Variants in MTUS2 observed in about 807,000 individuals in gnomAD.
The protein encoded by MTUS2 is microtubule associated scaffold protein 2.
A neutral mutation model predicts 114.1 loss-of-function variants in MTUS2; 40 were observed. The ratio of observed to expected loss-of-function variants is 0.35; its 90% CI spans 0.27 to 0.46. The LOEUF (loss-of-function observed/expected upper bound fraction) is 0.46, where lower values mean the gene tolerates loss of function less well. Ranked by LOEUF, MTUS2 falls within the 20% of genes least tolerant of loss-of-function variation. MTUS2 has a pLI of 1.00. For missense variants in MTUS2, 1,679 were observed against 1,705.4 expected (o/e 0.98, Z 0.27); for synonymous variants, 688 against 672.0 (o/e 1.02, Z -0.37).
At chr13:29,000,197 C>T (rs1885320765) in intron 2 of MTUS2, among the ~76,000 whole-genome samples, 1 of 152,212 alleles carries the variant, frequency 6.6e-6, no homozygotes, top group African/African-American at 2.4e-5. Flanking sequence ...AATCTCCATA[C>T]TGGTTTCCAT....
At chr13:28,866,644 C>T (rs574968815) in intron 2 of MTUS2, among the ~76,000 whole-genome samples, 1 of 151,970 alleles carries the variant, frequency 6.6e-6, no homozygotes, top group African/African-American at 2.4e-5. Flanking sequence ...CTTAAAGATG[C>T]CTTTGTATAA....
chr13:29,179,220 C>T (rs1271396929), intron 5 of MTUS2, among the ~76,000 whole-genome samples: 2 of 152,068 alleles, frequency 1.3e-5, no homozygotes, highest in Admixed American at 1.3e-4. Context: ...AGGTTAACAC[C>T]CAAGAGGTTA....
chr13:28,957,326 G>T (rs1327218788), intron 2 of MTUS2, among the ~76,000 whole-genome samples: 1 of 152,122 alleles, frequency 6.6e-6, no homozygotes, highest in Non-Finnish European at 1.5e-5. Flanking sequence ...TTGCACCATG[G>T]TTCTTCTCTC....
At chr13:29,451,965 A>C (rs1479259300) in intron 9 of MTUS2, among the ~76,000 whole-genome samples, 1 of 152,232 alleles carries the variant, frequency 6.6e-6, no homozygotes, top group African/African-American at 2.4e-5. Context: ...ACCACTCAGC[A>C]TGACTAGGTC....
intron 2 of MTUS2, among the ~76,000 whole-genome samples, chr13:28,863,549 T>A (rs1414086547): frequency 6.6e-6 from 1 of 152,210 alleles, no homozygotes; most frequent in Non-Finnish European, 1.5e-5. Flanking sequence ...TGTATGCCTG[T>A]CTTCCTAGGT....
chr13:28,956,355 G>A (rs1883066295), intron 2 of MTUS2, among the ~76,000 whole-genome samples: 1 of 152,036 alleles, frequency 6.6e-6, no homozygotes. Context: ...CCTGCCACAG[G>A]TTGTAGATGG....
At chr13:28,828,412 TA>T (rs1434972778) in intron 1 of MTUS2, among the ~76,000 whole-genome samples, 1 of 152,226 alleles carries the variant, frequency 6.6e-6, no homozygotes, top group African/African-American at 2.4e-5. Context: ...ATGACAGGAT[TA>T]AGCAATTAAA....
intron 2 of MTUS2, among the ~76,000 whole-genome samples, chr13:29,002,392 A>G (rs912703855): frequency 6.6e-6 from 1 of 152,192 alleles, no homozygotes; most frequent in Non-Finnish European, 1.5e-5. Context: ...TGCTTATACC[A>G]CAATTGATAC....
chr13:28,946,420 A>G (rs540675156), intron 2 of MTUS2, among the ~76,000 whole-genome samples: 19 of 152,186 alleles, frequency 1.2e-4, no homozygotes, highest in Non-Finnish European at 2.4e-4. Flanking sequence ...GAGGTAATTC[A>G]CAAATGTAAT....
intron 6 of MTUS2, among the ~76,000 whole-genome samples, chr13:29,321,698 T>A (rs908653579): frequency 6.6e-6 from 1 of 152,218 alleles, no homozygotes; most frequent in Non-Finnish European, 1.5e-5. Flanking sequence ...ATACAAGTAA[T>A]ATGTGATGAT....
intron 5 of MTUS2, among the ~76,000 whole-genome samples, chr13:29,167,506 A>G (rs889169782): frequency 3.9e-5 from 6 of 151,934 alleles, no homozygotes; most frequent in African/African-American, 7.2e-5. Context: ...AATCACTTCA[A>G]TTGTTGAAAA....
chr13:29,251,619 C>CAT (rs767668405), intron 5 of MTUS2, among the ~76,000 whole-genome samples: 5 of 152,154 alleles, frequency 3.3e-5, no homozygotes, highest in Non-Finnish European at 7.4e-5. Flanking sequence ...TCTACTTTCT[C>CAT]ATCTCTATGA....
At chr13:29,079,361 G>A (rs961677636) in intron 4 of MTUS2, among the ~76,000 whole-genome samples, 5 of 151,834 alleles carry the variant, frequency 3.3e-5, no homozygotes, top group Admixed American at 6.6e-5. Flanking sequence ...CCATTCTTAG[G>A]GTTTTTTTCT....
chr13:29,053,842 T>C (rs932072827), intron 4 of MTUS2, among the ~76,000 whole-genome samples: 7 of 152,222 alleles, frequency 4.6e-5, no homozygotes, highest in African/African-American at 1.7e-4. Flanking sequence ...ATTTTCAGTT[T>C]TTGGCTCTAA....
chr13:28,878,612 G>T (rs761048806), intron 2 of MTUS2, among the ~76,000 whole-genome samples: 23 of 152,130 alleles, frequency 1.5e-4, no homozygotes, highest in Non-Finnish European at 2.9e-4. Flanking sequence ...GCATTAGTTT[G>T]CTGATAACAG....
chr13:29,300,097 TC>T (rs1204614704), intron 6 of MTUS2, among the ~76,000 whole-genome samples: 1 of 152,218 alleles, frequency 6.6e-6, no homozygotes, highest in African/African-American at 2.4e-5. Context: ...CATTTATCTT[TC>T]TCTGCTATGC....
chr13:29,292,557 A>G (rs1465887699), intron 6 of MTUS2, among the ~76,000 whole-genome samples: 1 of 152,210 alleles, frequency 6.6e-6, no homozygotes, highest in Non-Finnish European at 1.5e-5. Flanking sequence ...CTATAATCTT[A>G]TTATCTGGAC....
chr13:29,138,259 C>G (rs1593517986), intron 5 of MTUS2, among the ~76,000 whole-genome samples: 1 of 152,022 alleles, frequency 6.6e-6, no homozygotes, highest in South Asian at 2.1e-4. Context: ...TATCCTCACC[C>G]TCCCCAGGAA....
chr13:29,423,477 G>A (rs1304215522), intron 8 of MTUS2, among the ~76,000 whole-genome samples: 1 of 152,202 alleles, frequency 6.6e-6, no homozygotes, highest in Non-Finnish European at 1.5e-5. Flanking sequence ...GTAGACGAGT[G>A]AGTTGTGCTA....
Sources: gnomAD v4.1 joint callset for allele counts (sites outside exome capture counted in the v4.1 genomes callset) on GRCh38, gnomAD v4.1.1 for gene constraint, MANE v1.5 for transcripts, NCBI Gene and HGNC (gene_info 2026-07-23, HGNC 2026-07-21) for gene names.